ATP2B1: variants seen among roughly 807,000 people sequenced by gnomAD.
ATP2B1 encodes the protein plasma membrane calcium-transporting ATPase 1.
A neutral mutation model predicts 124.2 loss-of-function variants in ATP2B1; 14 were observed. That is an observed-to-expected ratio of 0.11 (90% CI 0.07 to 0.18). The LOEUF is 0.18. Among genes scored for constraint, ATP2B1 ranks in the 10% least tolerant of loss-of-function variants. ATP2B1 has a pLI of 1.00. For synonymous variants in ATP2B1, 449 were observed against 492.4 expected, an observed-to-expected ratio of 0.91 and a Z score of 1.17; for missense variants, 763 against 1,466.1, an observed-to-expected ratio of 0.52 and a Z score of 7.83.
At chr12:89,658,598 G>GGAGGGA (rs1886260460) in intron 1 of ATP2B1, among the ~76,000 whole-genome samples, 1 of 69,578 alleles carries the variant, frequency 1.4e-5, no homozygotes, top group Non-Finnish European at 2.6e-5. Context: ...AATTCAAACA[G>GGAGGGA]GAGAGAGAGA....
Position 89,603,287 on chromosome 12 carries a change from A to G in ATP2B1, c.2849-33T>C. On this transcript the variant is annotated intron_variant, in intron 17 of 20. Coordinates refer to ENST00000428670, the MANE Select transcript of ATP2B1 (RefSeq NM_001366521.1). This position sits in a 1 kb window ranked among gnomAD's most constrained non-coding sequence, Gnocchi z 4.3. ...AATGAAAAATGACTATTTTGTAATT[A>G]TCATACCAAATTAGATTTCAAGGAG... The G allele has an allele frequency of 6.7e-7, 1 of 1,488,982 alleles. No homozygotes were observed. The highest frequency in any genetic ancestry group is 9.1e-7 in the Non-Finnish European group (1 of 1,099,662). The allele number at this position is 1,488,982 out of a possible 1,614,324, so 92.2% of individuals were successfully genotyped here.
chr12:89,609,604 C>T (rs1223575654), intron 15 of ATP2B1, among the ~76,000 whole-genome samples: 1 of 151,864 alleles, frequency 6.6e-6, no homozygotes, highest in Non-Finnish European at 1.5e-5. Flanking sequence ...TTTAAATACA[C>T]ACAACTATTC....
At chr12:89,644,399 A>T (rs192642356) in intron 2 of ATP2B1, among the ~76,000 whole-genome samples, 21 of 152,312 alleles carry the variant, frequency 1.4e-4, no homozygotes, top group Admixed American at 1.2e-3. Context: ...TGAGAAATGA[A>T]CATATAGCTT....
In ATP2B1 at chr12:89,655,747, C is replaced by T. The variant is rs765667387; in HGVS notation, c.140G>A (p.Arg47Gln). Reference sequence around the variant, plus strand: ...ATCTCCATAGCTTTCCTGTATTTTTCGTAATGCATCTGTGGACCTGAGCTC... The same window carrying T: ...ATCTCCATAGCTTTCCTGTATTTTTTGTAATGCATCTGTGGACCTGAGCTC... The part of the protein sequence containing the change: ...LMELRSTDAL[R>Q]KIQESYGDVY... The change falls in exon 2 of 21, where the codon CGA becomes CAA. Residue 47 changes from arginine (R) to glutamine (Q), a missense_variant. Arg to Gln is a conservative substitution (Grantham distance 43). This residue lies in a region of ATP2B1 where 93 missense variants were observed against 112.7 expected (regional missense o/e 0.83). Transcript: ENST00000428670. 5.6e-6 allele frequency: 9 copies of T among 1,614,066 alleles called. No homozygotes were observed. Among genetic ancestry groups the T allele is most frequent in the Middle Eastern group, 1.6e-4 (1 of 6,084 alleles).
At chr12:89,653,291 T>C (rs1018801515) in intron 2 of ATP2B1, among the ~76,000 whole-genome samples, 56 of 137,096 alleles carry the variant, frequency 4.1e-4, no homozygotes, top group Non-Finnish European at 5.8e-4. Context: ...TTCTTTTTTT[T>C]TTTTTTTTTT....
chr12:89,602,623 TA>T (rs1876077444), intron 18 of ATP2B1, among the ~76,000 whole-genome samples: 1 of 152,340 alleles, frequency 6.6e-6, no homozygotes, highest in South Asian at 2.1e-4. Context: ...TTTTCTTTTA[TA>T]AATCAAGAAA....
rs953030620 is a variant in ATP2B1 at position 89,588,671 on chromosome 12, A to T, written c.*2313T>A. Reference sequence around the variant, plus strand: ...GCTACTACTTCATAGATGTCATAAGACCCGTTTATGGATTAGAGTTGGTGT... The same window carrying T: ...GCTACTACTTCATAGATGTCATAAGTCCCGTTTATGGATTAGAGTTGGTGT... On this transcript the variant is annotated 3_prime_UTR_variant, in exon 21 of 21. Coordinates refer to ENST00000428670, the MANE Select transcript of ATP2B1 (RefSeq NM_001366521.1). 3.3e-5 allele frequency: 5 copies of T among 152,528 alleles called. No individual in the cohort carries two copies. Among genetic ancestry groups the T allele is most frequent in the African/African-American group, 4.8e-5 (2 of 41,416 alleles). The allele number at this position is 152,528 out of a possible 1,614,324, so 9.4% of individuals were successfully genotyped here.
intron 1 of ATP2B1, among the ~76,000 whole-genome samples, chr12:89,667,207 GCTT>G (rs1887411728): frequency 6.6e-6 from 1 of 152,014 alleles, no homozygotes; most frequent in African/African-American, 2.4e-5. Flanking sequence ...TTCTATTAAT[GCTT>G]CTATTAGCCA....
At chr12:89,621,955 A>G (rs1193960219) in intron 9 of ATP2B1, among the ~76,000 whole-genome samples, 164 bp from the exon 10 acceptor site, 1 of 151,278 alleles carries the variant, frequency 6.6e-6, no homozygotes, top group Non-Finnish European at 1.5e-5. Flanking sequence ...TTTTTTTAGC[A>G]TATTTGACCT....
intron 2 of ATP2B1, 143 bp downstream of exon 2, chr12:89,655,536 T>C (rs1454708584): frequency 1.4e-6 from 1 of 737,792 alleles, no homozygotes; most frequent in Non-Finnish European, 2.2e-6. Flanking sequence ...ACTGTATTAA[T>C]CTGATAACTA....
intron 1 of ATP2B1, among the ~76,000 whole-genome samples, chr12:89,679,932 G>A (rs1342987860): frequency 1.3e-5 from 2 of 152,068 alleles, no homozygotes; most frequent in Admixed American, 1.3e-4. Flanking sequence ...GTGTCCCTTG[G>A]AGATATGGCA....
At chr12:89,680,565 A>G (rs771684810) in intron 1 of ATP2B1, among the ~76,000 whole-genome samples, 1 of 152,194 alleles carries the variant, frequency 6.6e-6, no homozygotes, top group Non-Finnish European at 1.5e-5. Flanking sequence ...TTTTTTAAAA[A>G]AGGAGTAAGG....
chr12:89,666,372 G>A (rs570448997), intron 1 of ATP2B1, among the ~76,000 whole-genome samples: 22 of 152,096 alleles, frequency 1.4e-4, no homozygotes, highest in Admixed American at 6.5e-4. Flanking sequence ...CTATTCAAGC[G>A]GAGGGCCACA....
intron 1 of ATP2B1, among the ~76,000 whole-genome samples, chr12:89,679,712 T>C (rs1335250413): frequency 6.6e-6 from 1 of 152,012 alleles, no homozygotes; most frequent in Non-Finnish European, 1.5e-5. Context: ...TAAGACTCTA[T>C]GACAAAAGAG....
intron 1 of ATP2B1, among the ~76,000 whole-genome samples, chr12:89,659,210 T>G (rs2136396452): frequency 6.6e-6 from 1 of 152,290 alleles, no homozygotes; most frequent in East Asian, 1.9e-4. Context: ...TTGAAAAGTC[T>G]AAGAAAAAAT....
chr12:89,602,965 TGA>T, intron 18 of ATP2B1, 76 bp downstream of exon 18: 1 of 1,261,598 alleles, frequency 7.9e-7, no homozygotes, highest in East Asian at 2.3e-5. Flanking sequence ...TCCACACAAG[TGA>T]TTGCTAGAAC....
chr12:89,656,676 T>C (rs1417953556), intron 1 of ATP2B1, among the ~76,000 whole-genome samples: 4 of 152,208 alleles, frequency 2.6e-5, no homozygotes, highest in African/African-American at 9.6e-5. Context: ...GTAATTCTCA[T>C]TGGCCACTCT....
chr12:89,698,867 G>A (rs1278162972), intron 1 of ATP2B1, among the ~76,000 whole-genome samples: 2 of 152,140 alleles, frequency 1.3e-5, no homozygotes, highest in African/African-American at 4.8e-5. Flanking sequence ...GAAGACTGGT[G>A]ATCTTAACAT....
intron 3 of ATP2B1, among the ~76,000 whole-genome samples, chr12:89,636,283 G>A (rs1004395396): frequency 7.9e-5 from 12 of 152,124 alleles, no homozygotes; most frequent in Admixed American, 3.9e-4. Flanking sequence ...AAGAATAACA[G>A]AACAGTGCTT....
Sources: gnomAD v4.1 joint callset for allele counts (sites outside exome capture counted in the v4.1 genomes callset) on GRCh38, gnomAD v4.1.1 for gene constraint, gnomAD v4.1.1 regional missense constraint, Gnocchi (gnomAD v3.1) non-coding constraint, MANE v1.5 for transcripts, NCBI Gene and HGNC (gene_info 2026-07-23, HGNC 2026-07-21) for gene names.